FMNL3: variants seen among roughly 807,000 people sequenced by gnomAD.
FMNL3 encodes the protein formin-like protein 3.
Under a neutral mutation model 119.6 loss-of-function variants are expected in FMNL3, and 57 were observed. The observed-to-expected ratio is 0.48, with a 90% CI of 0.39 to 0.59. FMNL3 has a LOEUF of 0.59. Among genes scored for constraint, FMNL3 ranks in the 20% least tolerant of loss-of-function variants. The probability of loss-of-function intolerance (pLI) is 0.00; values close to 1 mark genes in which losing one functional copy is unlikely to be tolerated. For missense variants in FMNL3, 1,053 were observed against 1,323.5 expected, an observed-to-expected ratio of 0.80 and a Z score of 3.17; for synonymous variants, 491 against 507.3, an observed-to-expected ratio of 0.97 and a Z score of 0.43.
intron 1 of FMNL3, among the ~76,000 whole-genome samples, chr12:49,694,417 C>T (rs1592694830): frequency 6.6e-6 from 1 of 152,144 alleles, no homozygotes; most frequent in African/African-American, 2.4e-5. Context: ...TTATTCCTTA[C>T]ATGCACCTTC....
Position 49,649,336 on chromosome 12 carries a change from T to C in FMNL3, c.2308A>G (p.Ile770Val). 1.2e-6 allele frequency: 2 copies of C among 1,614,176 alleles called. No homozygotes were observed. The highest frequency in any genetic ancestry group is 1.1e-5 in the South Asian group (1 of 91,086). The change falls in exon 20 of 26, where the codon ATA (isoleucine) becomes GTA (valine). Residue 770 changes from isoleucine to valine, a missense_variant. Physicochemically the swap from Ile to Val is conservative, Grantham distance 29. Around this residue, in one of 4 missense-constraint regions of FMNL3, gnomAD observed 324 missense variants for 380.9 expected, o/e 0.85. Coordinates refer to ENST00000335154, the MANE Select transcript of FMNL3 (RefSeq NM_175736.5). The surrounding 1 kb of genome is among the most constrained non-coding windows in gnomAD (Gnocchi z 5.6). ...TTCATGTAGTTCCCCAGTGCAAGTATGATCTGTCCAAAGAATGTGTGGGAG... is the reference window on the plus strand; with the variant it reads ...TTCATGTAGTTCCCCAGTGCAAGTACGATCTGTCCAAAGAATGTGTGGGAG... ...SQKLKQMLEI[I>V]LALGNYMNSS... is the part of the protein sequence containing the mutation.
At chr12:49,677,030 A>G (rs554090329) in intron 1 of FMNL3, among the ~76,000 whole-genome samples, 2 of 152,272 alleles carry the variant, frequency 1.3e-5, no homozygotes, top group African/African-American at 4.8e-5. Flanking sequence ...CCATTCGTAT[A>G]TTCCTTCTGT....
intron 1 of FMNL3, among the ~76,000 whole-genome samples, chr12:49,687,129 C>CT (rs1171172523): frequency 6.9e-6 from 1 of 145,468 alleles, no homozygotes; most frequent in African/African-American, 2.6e-5. Context: ...GAGTCTCATT[C>CT]TGTCTCCAGG....
rs147654439 is a variant in FMNL3 at position 49,656,960 on chromosome 12, T to A, written c.715-61A>T. 211 of 1,543,512 alleles carry A rather than the reference T, an allele frequency of 1.4e-4. 1 individual carries two copies. In the African/African-American group the frequency reaches 1.5e-3, roughly 11 times the overall value. On this transcript the variant is annotated intron_variant, in intron 7 of 25. Coordinates refer to ENST00000335154, the MANE Select transcript of FMNL3 (RefSeq NM_175736.5). ...GGTGGGGAAGGGGGAGCCCAGCCAA[T>A]CTCCTTGACCGTAGGCCCACCAGCA...
intron 14 of FMNL3, 22 bp downstream of exon 14, chr12:49,651,911 T>G (rs1210202156): frequency 1.3e-6 from 2 of 1,557,744 alleles, no homozygotes; most frequent in East Asian, 2.3e-5. Context: ...CCCTGTTGGC[T>G]CCCAGGGGTC....
At chr12:49,684,981 A>G (rs542512030) in intron 1 of FMNL3, among the ~76,000 whole-genome samples, 1 of 152,222 alleles carries the variant, frequency 6.6e-6, no homozygotes, top group Non-Finnish European at 1.5e-5. Flanking sequence ...TCCTGGTCAG[A>G]TATCTCTGGC....
At chr12:49,706,900 T>G (rs1178067918) in intron 1 of FMNL3, among the ~76,000 whole-genome samples, 155 bp downstream of exon 1, 5 of 146,322 alleles carry the variant, frequency 3.4e-5, no homozygotes, top group Non-Finnish European at 7.6e-5. Flanking sequence ...GGCCAGCGGC[T>G]GCTCAGAGGT....
At chr12:49,692,348 C>T (rs1183638372) in intron 1 of FMNL3, among the ~76,000 whole-genome samples, 1 of 151,674 alleles carries the variant, frequency 6.6e-6, no homozygotes, top group Non-Finnish European at 1.5e-5. Context: ...CTTCAGTCTA[C>T]CCCCTCCCTA....
In FMNL3 at chr12:49,647,191, T is replaced by C. The variant is rs1450137083; in HGVS notation, c.2871+85A>G. The stretch of plus-strand genomic sequence containing the variant: ...CTCTGGGTGGTCTGTCCACTCCAAG[T>C]TTTCATCTCCTCTAGCCTTCTGACC... On this transcript the variant is annotated intron_variant, in intron 24 of 25. Transcript: ENST00000335154. This position sits in a 1 kb window ranked among gnomAD's most constrained non-coding sequence, Gnocchi z 4.9. The C allele has an allele frequency of 2.5e-6, 4 of 1,580,702 alleles. No individual in the cohort carries two copies. In the Admixed American group the frequency reaches 6.7e-5, roughly 27 times the overall value.
At position 49,643,881 on chromosome 12, in the gene FMNL3, A is replaced by G. The variant is rs1204354224; in HGVS notation, c.*1934T>C. ...TACAGAATAGTCCTGAGAGTGAGAC[A>G]GACCCTGAGGAGAAAGCTGGCAAGG... On this transcript the variant is annotated 3_prime_UTR_variant, in exon 26 of 26. Transcript: ENST00000335154. The G allele has an allele frequency of 1.2e-6, 2 of 1,614,098 alleles. No homozygotes were observed. Among genetic ancestry groups the G allele is most frequent in the Non-Finnish European group, 1.7e-6 (2 of 1,180,042 alleles).
In FMNL3 at chr12:49,706,933, G is replaced by A. The variant is rs1945064312; in HGVS notation, c.126+122C>T. The A allele has an allele frequency of 2.5e-6, 3 of 1,192,884 alleles. No individual in the cohort carries two copies. The Admixed American group carries it at 7.3e-5, about 29-fold the overall frequency. 73.9% of individuals were successfully genotyped at this position (1,192,884 alleles called of 1,614,324 possible). On this transcript the variant is annotated intron_variant, in intron 1 of 25. Coordinates refer to ENST00000335154, the MANE Select transcript of FMNL3 (RefSeq NM_175736.5). Reference sequence around the variant, plus strand: ...GGTTCCTGGGAAGACACTGGAGGCCGGGATCCGTTCGGGACCCCGACTGAA... The same window carrying A: ...GGTTCCTGGGAAGACACTGGAGGCCAGGATCCGTTCGGGACCCCGACTGAA...
At chr12:49,672,018 T>C (rs1385894200) in intron 1 of FMNL3, among the ~76,000 whole-genome samples, 1 of 152,208 alleles carries the variant, frequency 6.6e-6, no homozygotes, top group Non-Finnish European at 1.5e-5. Context: ...GATTAAAAGA[T>C]AAATATTTTA....
Position 49,668,531 on chromosome 12 carries a change from G to A in FMNL3, c.150C>T (p.Asp50=), listed in dbSNP as rs750442685. The change falls in exon 2 of 26, where the codon GAC becomes GAT. Residue 50 remains aspartate, a synonymous_variant. Transcript: ENST00000335154. ...LVLSSMNLPP[D]KARLLRQYDN... ...CATACTGCCGCAGGAGCCGGGCCTT[G>A]TCTGGAGGCAGGTTCATGGAGCTCT... is the stretch of plus-strand genomic sequence containing the variant. 1 of 1,614,140 alleles carries A rather than the reference G, an allele frequency of 6.2e-7. No individual in the cohort carries two copies. Among genetic ancestry groups the A allele is most frequent in the Non-Finnish European group, 8.5e-7 (1 of 1,180,012 alleles).
rs1592637013 is a variant in FMNL3, at chr12:49,647,440, T to G, written c.2779-72A>C. Reference sequence around the variant, plus strand: ...GTGAGGGGAGGGGCTGACACTGAGGTGGAGAGTGGGTGGCAGTGGGACCCG... The same window carrying G: ...GTGAGGGGAGGGGCTGACACTGAGGGGGAGAGTGGGTGGCAGTGGGACCCG... On this transcript the variant is annotated intron_variant, in intron 23 of 25. Coordinates refer to ENST00000335154, the MANE Select transcript of FMNL3 (RefSeq NM_175736.5). The surrounding 1 kb of genome is among the most constrained non-coding windows in gnomAD (Gnocchi z 4.9). The G allele has an allele frequency of 3.3e-6, 5 of 1,520,242 alleles. No individual in the cohort carries two copies. Among genetic ancestry groups the G allele is most frequent in the Non-Finnish European group, 4.5e-6 (5 of 1,105,614 alleles). The allele number at this position is 1,520,242 out of a possible 1,614,324, so 94.2% of individuals were successfully genotyped here. A position where few individuals can be genotyped will look rare whatever the true frequency, so the allele number is the denominator to read the frequency against.
chr12:49,651,258 G>C lies in FMNL3; in HGVS notation c.1707C>G (p.Phe569Leu). The change falls in exon 16 of 26, where the codon TTC becomes TTG. Residue 569 changes from phenylalanine to leucine, a missense_variant. Coordinates refer to ENST00000335154, the MANE Select transcript of FMNL3 (RefSeq NM_175736.5). ...IRIKKPIKTK[F>L]RLPVFNWTAL... is the part of the protein sequence containing the mutation. ...CTGTCCAGTTGAAGACAGGCAGCCGGAACTTGGTCTTGATAGGTTTCTTAA... is the reference window on the plus strand; with the variant it reads ...CTGTCCAGTTGAAGACAGGCAGCCGCAACTTGGTCTTGATAGGTTTCTTAA... 3.1e-6 allele frequency: 5 copies of C among 1,613,312 alleles called. No homozygotes were observed. Among genetic ancestry groups the C allele is most frequent in the Non-Finnish European group, 4.2e-6 (5 of 1,179,296 alleles).
intron 1 of FMNL3, among the ~76,000 whole-genome samples, chr12:49,699,201 T>G (rs1944836111): frequency 6.6e-6 from 1 of 152,296 alleles, no homozygotes; most frequent in South Asian, 2.1e-4. Context: ...GATGACACGC[T>G]GACTTCAGGC....
chr12:49,660,807 A>C (rs1943711299), intron 5 of FMNL3, among the ~76,000 whole-genome samples: 1 of 152,208 alleles, frequency 6.6e-6, no homozygotes, highest in South Asian at 2.1e-4. Context: ...AAAACACACA[A>C]AAAGTTAGCT....
rs1384674718 is a variant in FMNL3, at chr12:49,638,490, C to T, written c.*7325G>A. 3.3e-5 allele frequency: 5 copies of T among 152,178 alleles called. No individual in the cohort carries two copies. The highest frequency in any genetic ancestry group is 7.3e-5 in the Non-Finnish European group (5 of 68,048). 9.4% of individuals were successfully genotyped at this position (152,178 alleles called of 1,614,324 possible). ...TGTCGCAAGTGTCAGCTGCCATTTA[C>T]CATCACACATGGCCTGTTGCTCTTC... On this transcript the variant is annotated 3_prime_UTR_variant, in exon 26 of 26. Transcript: ENST00000335154.
rs753922520 is a variant in FMNL3 at position 49,642,632 on chromosome 12, C to T, written c.*3183G>A. The T allele has an allele frequency of 9.9e-6, 16 of 1,614,044 alleles. No homozygotes were observed. Among genetic ancestry groups the T allele is most frequent in the African/African-American group, 4.0e-5 (3 of 74,916 alleles). ...GCCTTTGAGCAGATCACCCTGGAGT[C>T]GGAGCGGATCCGGCTCTTCCGGGAG... On this transcript the variant is annotated 3_prime_UTR_variant, in exon 26 of 26. Coordinates refer to ENST00000335154, the MANE Select transcript of FMNL3 (RefSeq NM_175736.5). The surrounding 1 kb of genome is among the most constrained non-coding windows in gnomAD (Gnocchi z 5.8).
Sources: allele counts gnomAD v4.1 joint callset (sites outside exome capture counted in the v4.1 genomes callset), GRCh38; gene constraint gnomAD v4.1.1; regional missense constraint gnomAD v4.1.1; non-coding constraint Gnocchi (gnomAD v3.1); transcripts MANE v1.5; gene names NCBI Gene and HGNC (gene_info 2026-07-23, HGNC 2026-07-21).